Variants in NUP107 observed in about 807,000 individuals in gnomAD.
The protein encoded by NUP107 is nucleoporin 107.
In NUP107, 101 loss-of-function variants were observed where a neutral mutation model predicts 141.0. That is an observed-to-expected ratio of 0.72 (90% CI 0.61 to 0.84). NUP107 has a LOEUF of 0.84. Ranked by LOEUF, NUP107 falls within the 40% of genes least tolerant of loss-of-function variation. The pLI is 0.00. For synonymous variants in NUP107, 319 were observed against 363.9 expected (o/e 0.88, Z 1.41); for missense variants, 941 against 1,102.7 (o/e 0.85, Z 2.08).
In NUP107 at chr12:68,738,553, C is replaced by G. The variant is rs532006218; in HGVS notation, c.2502+3209C>G. Among the ~76,000 whole-genome samples, 16 of 152,308 alleles carry G rather than the reference C, an allele frequency of 1.1e-4. 1 individual carries two copies. In the South Asian group the frequency reaches 3.3e-3, roughly 32 times the overall value. ...CAGAACACAGGCTAGATTTCAGCCC[C>G]ACTTACTTGCTTGGCCAGCCACCCT... On this transcript the variant is annotated intron_variant, in intron 26 of 27. Transcript: ENST00000229179.
chr12:68,715,884 A>G (rs2136025763), intron 12 of NUP107, 144 bp downstream of exon 12: 1 of 539,386 alleles, frequency 1.9e-6, no homozygotes, highest in East Asian at 2.9e-5. Flanking sequence ...CTGTTCGAAC[A>G]TTTCCGGTGA....
chr12:68,713,674 A>G (rs2136022898), intron 10 of NUP107, 56 bp from the exon 11 acceptor site: 7 of 1,198,500 alleles, frequency 5.8e-6, no homozygotes, highest in Non-Finnish European at 7.3e-6. Flanking sequence ...GATTTTTTAA[A>G]AATAGACCTA....
chr12:68,727,883 A>G (rs529491938), intron 20 of NUP107, among the ~76,000 whole-genome samples: 2 of 152,164 alleles, frequency 1.3e-5, no homozygotes. Context: ...GTTGAAAAAA[A>G]TTTATGCAGA....
At chr12:68,712,874 G>A (rs956732416) in intron 10 of NUP107, among the ~76,000 whole-genome samples, 1 of 151,910 alleles carries the variant, frequency 6.6e-6, no homozygotes, top group Non-Finnish European at 1.5e-5. Flanking sequence ...TAACCTTGAT[G>A]GCTCCCTCAC....
Position 68,710,079 on chromosome 12 carries a change from A to T in NUP107, c.876A>T (p.Ala292=), listed in dbSNP as rs1459401556. ...GEFSDNIEFY[A]KSVYWENTLH... ...TTTCTGATAATATTGAGTTTTATGC[A>T]AAATCAGTATATTGGTAAGTTACCA... Residue 292 remains alanine (A), a synonymous_variant, in exon 10 of 28, where the codon GCA becomes GCT. Coordinates refer to ENST00000229179, the MANE Select transcript of NUP107 (RefSeq NM_020401.4). The T allele has an allele frequency of 6.5e-7, 1 of 1,547,976 alleles. No individual in the cohort carries two copies. Among genetic ancestry groups the T allele is most frequent in the Admixed American group, 1.7e-5 (1 of 59,768 alleles).
chr12:68,696,751 A>G, intron 5 of NUP107, 68 bp from the exon 6 acceptor site: 2 of 827,308 alleles, frequency 2.4e-6, no homozygotes, highest in South Asian at 1.7e-5. Context: ...TTTCAAACAA[A>G]CGGAATTACC....
Position 68,727,383 on chromosome 12 carries a change from C to A in NUP107, c.1728C>A (p.Tyr576Ter). 6.7e-7 allele frequency: 1 copy of A among 1,501,034 alleles called. No homozygotes were observed. The highest frequency in any genetic ancestry group is 9.2e-7 in the Non-Finnish European group (1 of 1,091,344). The allele number at this position is 1,501,034 out of a possible 1,614,324, so 93.0% of individuals were successfully genotyped here. A position where few individuals can be genotyped will look rare whatever the true frequency, so the allele number is the denominator to read the frequency against. The change falls in exon 20 of 28, where the codon TAC (tyrosine) becomes TAA (stop). Residue 576 changes from tyrosine (Y) to a stop codon, truncating the protein, a stop_gained. Transcript: ENST00000229179. LOFTEE classifies it high-confidence loss of function. The part of the protein sequence containing the change: ...EEVSIEVLKT[Y>*]IQLLIREKHT... ...TTTCTATTGAAGTTTTAAAGACATA[C>A]ATACAGGTAAACTTTGAGAACCTAC...
chr12:68,727,606 C>T (rs1018529237), intron 20 of NUP107, among the ~76,000 whole-genome samples: 5 of 152,066 alleles, frequency 3.3e-5, no homozygotes, highest in Non-Finnish European at 7.4e-5. Flanking sequence ...TTTTGACTCC[C>T]CAAAAACCTA....
chr12:68,745,570 G>C lies in NUP107; in HGVS notation c.*3108G>C, dbSNP rs1473602594. The C allele has an allele frequency of 1.3e-5, 2 of 152,042 alleles. No individual in the cohort carries two copies. Among genetic ancestry groups the C allele is most frequent in the Non-Finnish European group, 2.9e-5 (2 of 68,018 alleles). The allele number at this position is 152,042 out of a possible 1,614,324, so 9.4% of individuals were successfully genotyped here. Reference sequence around the variant, plus strand: ...TTTGTATGCACCCCTAGAGACAGCTGTATATATATACGGTTTTGCCAGGTT... The same window carrying C: ...TTTGTATGCACCCCTAGAGACAGCTCTATATATATACGGTTTTGCCAGGTT... On this transcript the variant is annotated 3_prime_UTR_variant, in exon 28 of 28. Transcript: ENST00000229179.
chr12:68,701,452 T>G (rs898878330), intron 7 of NUP107, among the ~76,000 whole-genome samples: 5 of 151,974 alleles, frequency 3.3e-5, no homozygotes, highest in Non-Finnish European at 5.9e-5. Flanking sequence ...GAGGCCAAGG[T>G]GGGTGGATCA....
chr12:68,692,941 G>A lies in NUP107; in HGVS notation c.448+829G>A, dbSNP rs974827200. Among the ~76,000 whole-genome samples the A allele has an allele frequency of 4.0e-5, 6 of 151,804 alleles. 1 individual carries two copies. Among genetic ancestry groups the A allele is most frequent in the Non-Finnish European group, 7.4e-5 (5 of 67,964 alleles). ...ATTTTTGTATTTTTAGTAGAAACGG[G>A]GTTTTGCCATGTTGGCCAGGCTTGT... On this transcript the variant is annotated intron_variant, in intron 5 of 27. Transcript: ENST00000229179.
intron 20 of NUP107, among the ~76,000 whole-genome samples, chr12:68,729,007 T>C (rs1877696677): frequency 6.6e-6 from 1 of 152,148 alleles, no homozygotes; most frequent in African/African-American, 2.4e-5. Flanking sequence ...ACTGGCACTT[T>C]GTATGGCTCC....
chr12:68,718,528 G>A (rs1877206000), intron 12 of NUP107, among the ~76,000 whole-genome samples: 1 of 152,072 alleles, frequency 6.6e-6, no homozygotes, highest in South Asian at 2.1e-4. Context: ...ATAAATCAGA[G>A]GTCATCAACC....
In NUP107 at chr12:68,721,489, C is replaced by T. The variant is rs147406944; in HGVS notation, c.1311+312C>T. 9.4e-3 allele frequency among the ~76,000 whole-genome samples: 1,435 copies of T among 152,122 alleles called. 12 individuals carry two copies. The highest frequency in any genetic ancestry group is 0.021 in the South Asian group (101 of 4,816). On this transcript the variant is annotated intron_variant, in intron 15 of 27. Coordinates refer to ENST00000229179, the MANE Select transcript of NUP107 (RefSeq NM_020401.4). ...CTCATAGCTGTATGCAGAAATGTAC[C>T]GGAAAGACACAGTGAGTCCTTGGGT...
chr12:68,731,304 A>G lies in NUP107; in HGVS notation c.1885+44A>G, dbSNP rs374565303. On this transcript the variant is annotated intron_variant, in intron 21 of 27. Transcript: ENST00000229179. ...TTTGTCTTTTGGCCTTTCTAGGCAA[A>G]TGTTCATTTTGGCTGTAGTAACATT... The G allele has an allele frequency of 5.4e-4, 835 of 1,551,402 alleles. 6 individuals carry two copies. In the Middle Eastern group the frequency reaches 7.2e-3, roughly 13 times the overall value.
At chr12:68,715,233 C>T (rs1482475620) in intron 11 of NUP107, among the ~76,000 whole-genome samples, 1 of 152,194 alleles carries the variant, frequency 6.6e-6, no homozygotes, top group African/African-American at 2.4e-5. Context: ...CAGTGGTTCA[C>T]GCCTGTAATC....
intron 6 of NUP107, among the ~76,000 whole-genome samples, chr12:68,697,446 G>C (rs1876119445): frequency 8.1e-6 from 1 of 123,572 alleles, no homozygotes; most frequent in South Asian, 2.9e-4. Flanking sequence ...AATATACGAG[G>C]AATATTTAGA....
chr12:68,715,734 A>C lies in NUP107; in HGVS notation c.1077A>C (p.Thr359=). The C allele has an allele frequency of 6.3e-7, 1 of 1,578,828 alleles. No individual in the cohort carries two copies. Among genetic ancestry groups the C allele is most frequent in the South Asian group, 1.1e-5 (1 of 90,350 alleles). ...TTACTCTAATCCGTGCTGGAATGAC[A>C]GAAGAGGTCAGTCATGTATACCCTT... The part of the protein sequence containing the change: ...YLFTLIRAGM[T]EEAQRLCKRC... The change falls in exon 12 of 28, where the codon ACA becomes ACC. Residue 359 remains threonine (T), a synonymous_variant. Coordinates refer to ENST00000229179, the MANE Select transcript of NUP107 (RefSeq NM_020401.4).
chr12:68,709,756 G>A (rs533588392), intron 9 of NUP107, among the ~76,000 whole-genome samples: 1 of 152,084 alleles, frequency 6.6e-6, no homozygotes, highest in South Asian at 2.1e-4. Context: ...GGGTGTGGTG[G>A]TGGGCGCCTG....
Sources: allele counts gnomAD v4.1 joint callset (sites outside exome capture counted in the v4.1 genomes callset), GRCh38; gene constraint gnomAD v4.1.1; transcripts MANE v1.5; gene names NCBI Gene and HGNC (gene_info 2026-07-23, HGNC 2026-07-21).